The following BCAS3 variants were observed in gnomAD, a reference collection of about 807,000 sequenced individuals.
The protein encoded by BCAS3 is BCAS3 microtubule associated cell migration factor.
BCAS3 carries 53 observed loss-of-function variants against 116.1 expected under a neutral mutation model. The ratio of observed to expected loss-of-function variants is 0.46; its 90% CI spans 0.37 to 0.57. BCAS3 has a LOEUF of 0.57. BCAS3 is among the 20% of genes least tolerant of loss of function. The pLI, the probability that BCAS3 is intolerant of heterozygous loss-of-function variation, is 0.00. For missense variants in BCAS3, 917 were observed against 1,165.4 expected (o/e 0.79, Z 3.10); for synonymous variants, 391 against 408.2 (o/e 0.96, Z 0.51).
At chr17:60,826,916 A>G (rs1328455759) in intron 7 of BCAS3, among the ~76,000 whole-genome samples, 2 of 152,252 alleles carry the variant, frequency 1.3e-5, no homozygotes, top group East Asian at 3.8e-4. Context: ...GCAATTTAAC[A>G]GGAACTCTGC....
chr17:61,055,002 A>G (rs1261485776), intron 19 of BCAS3, among the ~76,000 whole-genome samples: 1 of 152,156 alleles, frequency 6.6e-6, no homozygotes, highest in African/African-American at 2.4e-5. Context: ...ATGCTATCTC[A>G]CGTAAGTTTA....
rs2058834304 is a variant in BCAS3, at chr17:61,368,090, A to T, written c.2426-237A>T. The T allele has an allele frequency of 7.7e-6, 3 of 388,200 alleles. No homozygotes were observed. Among genetic ancestry groups the T allele is most frequent in the Non-Finnish European group, 1.4e-5 (3 of 218,978 alleles). The allele number at this position is 388,200 out of a possible 1,614,324, so 24.0% of individuals were successfully genotyped here. A position where few individuals can be genotyped will look rare whatever the true frequency, so the allele number is the denominator to read the frequency against. ...GACCAGGGGAACCCTGTAGCTCCTC[A>T]GAAACAGTTGTAAAACCACCAGCCT... On this transcript the variant is annotated intron_variant, in intron 22 of 23. Coordinates refer to ENST00000407086, the MANE Select transcript of BCAS3 (RefSeq NM_017679.5). This position sits in a 1 kb window ranked among gnomAD's most constrained non-coding sequence, Gnocchi z 6.0.
rs1336513881 is a variant in BCAS3, at chr17:60,825,472, T to C, written c.476+17396T>C. ...GTTTGTTCCTTGCACTGTAACAAAA[T>C]ACCACAAACTTGGTAATTTATAAAT... On this transcript the variant is annotated intron_variant, in intron 7 of 23. Coordinates refer to ENST00000407086, the MANE Select transcript of BCAS3 (RefSeq NM_017679.5). Among the ~76,000 whole-genome samples, 3 of 148,966 alleles carry C rather than the reference T, an allele frequency of 2.0e-5. No individual in the cohort carries two copies. The East Asian group carries it at 5.8e-4, about 29-fold the overall frequency.
At chr17:61,319,639 T>C (rs564569856) in intron 22 of BCAS3, among the ~76,000 whole-genome samples, 1 of 152,150 alleles carries the variant, frequency 6.6e-6, no homozygotes, top group East Asian at 1.9e-4. Flanking sequence ...AGAGATTTTT[T>C]TTTTCCTGAA....
At chr17:60,895,882 A>G (rs539790232) in intron 10 of BCAS3, among the ~76,000 whole-genome samples, 1 of 152,356 alleles carries the variant, frequency 6.6e-6, no homozygotes, top group South Asian at 2.1e-4. Context: ...CTGAGAAGAT[A>G]CTTGATATGA....
chr17:61,032,226 G>A lies in BCAS3; in HGVS notation c.1638-2440G>A, dbSNP rs1229863224. ...CATGCTCACTTGTTACTTACCACAT[G>A]ATTTAAAAACAACAACAATGACATC... On this transcript the variant is annotated intron_variant, in intron 16 of 23. Coordinates refer to ENST00000407086, the MANE Select transcript of BCAS3 (RefSeq NM_017679.5). The surrounding 1 kb of genome is among the most constrained non-coding windows in gnomAD (Gnocchi z 4.6). Among the ~76,000 whole-genome samples, 1 of 152,084 alleles carries A rather than the reference G, an allele frequency of 6.6e-6. No homozygotes were observed. Among genetic ancestry groups the A allele is most frequent in the African/African-American group, 2.4e-5 (1 of 41,434 alleles).
rs1221024705 is a variant in BCAS3 at position 61,347,817 on chromosome 17, A to G, written c.2426-20510A>G. ...CTGACCTAAGTCCTCAAAGATGAAT[A>G]GGACTTCACCAGGGAAGGCATTCCA... On this transcript the variant is annotated intron_variant, in intron 22 of 23. Coordinates refer to ENST00000407086, the MANE Select transcript of BCAS3 (RefSeq NM_017679.5). This position sits in a 1 kb window ranked among gnomAD's most constrained non-coding sequence, Gnocchi z 4.3. 2.6e-5 allele frequency among the ~76,000 whole-genome samples: 4 copies of G among 152,308 alleles called. No homozygotes were observed. The East Asian group carries it at 7.7e-4, about 29-fold the overall frequency.
At chr17:61,210,487 A>G in intron 22 of BCAS3, among the ~76,000 whole-genome samples, 1 of 152,252 alleles carries the variant, frequency 6.6e-6, no homozygotes, top group East Asian at 1.9e-4. Context: ...AGAGAGAGCC[A>G]GCAGTAAGAA....
chr17:61,050,467 A>G (rs1040246102), intron 19 of BCAS3, among the ~76,000 whole-genome samples: 1 of 151,938 alleles, frequency 6.6e-6, no homozygotes, highest in Non-Finnish European at 1.5e-5. Flanking sequence ...AAATGGAACT[A>G]TACTATTGTA....
In BCAS3 at chr17:61,131,196, C is replaced by A. The variant is rs567683389; in HGVS notation, c.2425+46632C>A. 7.2e-5 allele frequency among the ~76,000 whole-genome samples: 11 copies of A among 152,206 alleles called. No individual in the cohort carries two copies. The highest frequency in any genetic ancestry group is 7.2e-4 in the Admixed American group (11 of 15,300). On this transcript the variant is annotated intron_variant, in intron 22 of 23. Transcript: ENST00000407086. This position sits in a 1 kb window ranked among gnomAD's most constrained non-coding sequence, Gnocchi z 4.4. ...GAGAGTTTCAAAATGAAAAAAAATA[C>A]TATGTGTTTGTAATTTTATGATTAT...
At position 61,215,338 on chromosome 17, in the gene BCAS3, C is replaced by T. The variant is rs79992271; in HGVS notation, c.2425+130774C>T. 0.025 allele frequency among the ~76,000 whole-genome samples: 3,771 copies of T among 152,256 alleles called. 141 individuals are homozygous for T. Among genetic ancestry groups the T allele is most frequent in the African/African-American group, 0.085 (3,526 of 41,544 alleles). ...GAATCTAGAGATCTGGGGTTTTACT[C>T]ATCACTGTCAGTAACTAGCTCTCTG... On this transcript the variant is annotated intron_variant, in intron 22 of 23. Coordinates refer to ENST00000407086, the MANE Select transcript of BCAS3 (RefSeq NM_017679.5). This position sits in a 1 kb window ranked among gnomAD's most constrained non-coding sequence, Gnocchi z 4.8.
intron 7 of BCAS3, among the ~76,000 whole-genome samples, chr17:60,849,549 A>G (rs551679353): frequency 1.3e-5 from 2 of 152,192 alleles, no homozygotes; most frequent in South Asian, 2.1e-4. Context: ...TTTCTCCCAC[A>G]ATTAAAAAAA....
chr17:60,726,419 C>T (rs1481871735), intron 5 of BCAS3, among the ~76,000 whole-genome samples: 11 of 150,908 alleles, frequency 7.3e-5, no homozygotes, highest in East Asian at 3.9e-4. Flanking sequence ...AGGCTGGTCT[C>T]GAACTCCTGA....
At chr17:61,266,057 C>G (rs1306950596) in intron 22 of BCAS3, among the ~76,000 whole-genome samples, 1 of 152,128 alleles carries the variant, frequency 6.6e-6, no homozygotes, top group Non-Finnish European at 1.5e-5. Context: ...TGGTCAGGGT[C>G]AGTTATTCCA....
At chr17:61,262,890 C>T (rs1196185405) in intron 22 of BCAS3, among the ~76,000 whole-genome samples, 1 of 151,574 alleles carries the variant, frequency 6.6e-6, no homozygotes, top group Non-Finnish European at 1.5e-5. Context: ...TGGGGTTTCT[C>T]CATGTTGGTC....
chr17:60,682,916 A>C (rs535196708), intron 2 of BCAS3, among the ~76,000 whole-genome samples: 1 of 152,292 alleles, frequency 6.6e-6, no homozygotes, highest in Admixed American at 6.5e-5. Context: ...TTACTTAATT[A>C]ACAGTGTTAT....
intron 16 of BCAS3, among the ~76,000 whole-genome samples, chr17:61,033,823 G>T (rs1047380223): frequency 1.3e-5 from 2 of 152,196 alleles, no homozygotes; most frequent in African/African-American, 4.8e-5. Context: ...TTGAAAAGGT[G>T]TGAGGTCGAT....
chr17:60,796,763 G>A (rs2047246970), intron 6 of BCAS3, among the ~76,000 whole-genome samples: 1 of 151,858 alleles, frequency 6.6e-6, no homozygotes, highest in Non-Finnish European at 1.5e-5. Flanking sequence ...TTTGGGTTTG[G>A]TTTGTTCTTG....
chr17:61,359,353 A>G (rs959735700), intron 22 of BCAS3, among the ~76,000 whole-genome samples: 3 of 152,104 alleles, frequency 2.0e-5, no homozygotes, highest in African/African-American at 7.2e-5. Context: ...TTTGTGATTC[A>G]TGAATCTGGG....
Sources: gnomAD v4.1 joint callset for allele counts (sites outside exome capture counted in the v4.1 genomes callset) on GRCh38, gnomAD v4.1.1 for gene constraint, Gnocchi (gnomAD v3.1) non-coding constraint, MANE v1.5 for transcripts, NCBI Gene and HGNC (gene_info 2026-07-23, HGNC 2026-07-21) for gene names.